The following MMP26 variants were observed in gnomAD, a reference collection of about 807,000 sequenced individuals.
MMP26 encodes matrix metalloproteinase-26.
A neutral mutation model predicts 31.0 loss-of-function variants in MMP26; 33 were observed. The ratio of observed to expected loss-of-function variants is 1.06; its 90% CI spans 0.81 to 1.42. The LOEUF is 1.42. Among genes scored for constraint, MMP26 ranks in the 40% most tolerant of loss-of-function variants. The pLI is 0.00. For synonymous variants in MMP26, 122 were observed against 114.9 expected, an observed-to-expected ratio of 1.06 and a Z score of -0.40; for missense variants, 347 against 316.1, an observed-to-expected ratio of 1.10 and a Z score of -0.74.
intron 2 of MMP26, among the ~76,000 whole-genome samples, chr11:4,976,058 T>A (rs1197802620): frequency 6.6e-6 from 1 of 152,058 alleles, no homozygotes; most frequent in Non-Finnish European, 1.5e-5. Flanking sequence ...TCTGGAAGAT[T>A]ATTTTATTTT....
chr11:4,778,734 T>C (rs10836623), intron 2 of MMP26, among the ~76,000 whole-genome samples: 14,460 of 152,106 alleles, frequency 0.095, 735 homozygotes, highest in Middle Eastern at 0.14. Context: ...ACCTTATAAT[T>C]CATGAACATG....
chr11:4,827,068 C>T (rs1420135949), intron 2 of MMP26, among the ~76,000 whole-genome samples: 1 of 152,078 alleles, frequency 6.6e-6, no homozygotes, highest in Non-Finnish European at 1.5e-5. Context: ...AGGTACATGG[C>T]ACGCGCCTAG....
chr11:4,957,283 G>A (rs1473279303), intron 2 of MMP26, among the ~76,000 whole-genome samples: 1 of 152,156 alleles, frequency 6.6e-6, no homozygotes, highest in Non-Finnish European at 1.5e-5. Flanking sequence ...TTACATCATT[G>A]TAAAAACATA....
intron 2 of MMP26, chr11:4,946,030 G>A: frequency 1.2e-6 from 1 of 841,202 alleles, no homozygotes; most frequent in Admixed American, 2.5e-5. Context: ...AGTATCCAGA[G>A]TGAATAAAAT....
chr11:4,706,786 G>T (rs921674024), intron 1 of MMP26, among the ~76,000 whole-genome samples: 2 of 151,888 alleles, frequency 1.3e-5, no homozygotes, highest in African/African-American at 4.8e-5. Flanking sequence ...CCTCTCCCTA[G>T]TCTGTTGCAA....
chr11:4,735,719 T>C (rs1848231060), intron 1 of MMP26, among the ~76,000 whole-genome samples: 1 of 152,208 alleles, frequency 6.6e-6, no homozygotes, highest in Non-Finnish European at 1.5e-5. Flanking sequence ...AATGAAAGAA[T>C]GAATCAGTGG....
intron 1 of MMP26, among the ~76,000 whole-genome samples, chr11:4,743,893 C>T (rs1197774492): frequency 6.6e-6 from 1 of 152,124 alleles, no homozygotes; most frequent in Non-Finnish European, 1.5e-5. Flanking sequence ...GCAGCCTTGA[C>T]CTCCTGGGCT....
chr11:4,914,938 G>A, intron 2 of MMP26: 2 of 1,614,126 alleles, frequency 1.2e-6, no homozygotes, highest in Non-Finnish European at 1.7e-6. Flanking sequence ...AGGTGTTAAG[G>A]GCCTTGAATC....
intron 2 of MMP26, among the ~76,000 whole-genome samples, chr11:4,786,091 AC>A (rs559742253): frequency 3.9e-5 from 6 of 152,132 alleles, no homozygotes; most frequent in Non-Finnish European, 8.8e-5. Context: ...TAAAGCCCTG[AC>A]CTGTGGATTA....
At chr11:4,768,078 CTGTGAAA>C (rs748118848) in intron 2 of MMP26, among the ~76,000 whole-genome samples, 28,256 of 152,168 alleles carry the variant, frequency 0.19, 3,997 homozygotes, top group African/African-American at 0.4. Flanking sequence ...TTTGTGAAAA[CTGTGAAA>C]ACTATGGAAA....
chr11:4,953,477 C>T lies in MMP26; in HGVS notation c.-144-34591C>T, dbSNP rs1270665178. Among the ~76,000 whole-genome samples, 4 of 110,316 alleles carry T rather than the reference C, an allele frequency of 3.6e-5. 1 individual carries two copies. Among genetic ancestry groups the T allele is most frequent in the African/African-American group, 1.2e-4 (4 of 33,610 alleles). The allele number at this position is 110,316 out of a possible 152,430, so 72.4% of individuals were successfully genotyped here. A position where few individuals can be genotyped will look rare whatever the true frequency, so the allele number is the denominator to read the frequency against. ...AGTATAATAAAGAATAAAGAATAAA[C>T]AAGTAATAAAAGAGATAAAAGAGAG... On this transcript the variant is annotated intron_variant, in intron 2 of 7. Coordinates refer to ENST00000380390, the MANE Select transcript of MMP26 (RefSeq NM_021801.5).
intron 2 of MMP26, among the ~76,000 whole-genome samples, chr11:4,986,547 T>G: frequency 2.4e-5 from 2 of 83,576 alleles, no homozygotes; most frequent in African/African-American, 5.1e-5. Context: ...TTTTTTTTTT[T>G]TGAGACAGAA....
chr11:4,904,726 T>G (rs1188165507), intron 2 of MMP26, among the ~76,000 whole-genome samples: 1 of 152,038 alleles, frequency 6.6e-6, no homozygotes, highest in Non-Finnish European at 1.5e-5. Flanking sequence ...GTGAAAAGAA[T>G]GGACATCAAT....
intron 2 of MMP26, chr11:4,871,591 C>G (rs1330440952): frequency 6.6e-6 from 1 of 152,040 alleles, no homozygotes; most frequent in Non-Finnish European, 1.5e-5. Context: ...AGCCTTTGGT[C>G]CTGGGGGCAT....
chr11:4,858,013 C>T (rs996034080), intron 2 of MMP26, among the ~76,000 whole-genome samples: 4 of 152,064 alleles, frequency 2.6e-5, no homozygotes, highest in African/African-American at 9.7e-5. Flanking sequence ...AGGCTTTCGA[C>T]AAAATTCAAC....
chr11:4,752,929 T>G (rs1848464678), intron 1 of MMP26: 1 of 152,092 alleles, frequency 6.6e-6, no homozygotes. Flanking sequence ...AGTCCAGGGA[T>G]CCCCGTCAAG....
intron 2 of MMP26, among the ~76,000 whole-genome samples, chr11:4,894,114 G>A (rs1364311305): frequency 6.6e-6 from 1 of 152,120 alleles, no homozygotes; most frequent in South Asian, 2.1e-4. Context: ...AAATGCTAAG[G>A]TGTAGGGAAA....
chr11:4,956,750 G>T (rs10768401), intron 2 of MMP26, among the ~76,000 whole-genome samples: 37,821 of 151,966 alleles, frequency 0.25, 4,890 homozygotes, highest in South Asian at 0.41. Context: ...GTCCAACTTA[G>T]ACAAGTTTTT....
intron 2 of MMP26, among the ~76,000 whole-genome samples, chr11:4,867,989 A>G (rs148620837): frequency 6.6e-6 from 1 of 152,170 alleles, no homozygotes; most frequent in Non-Finnish European, 1.5e-5. Context: ...CATGAAGTCA[A>G]CCTAAATACC....
Sources: allele counts gnomAD v4.1 joint callset (sites outside exome capture counted in the v4.1 genomes callset), GRCh38; gene constraint gnomAD v4.1.1; transcripts MANE v1.5; gene names NCBI Gene and HGNC (gene_info 2026-07-23, HGNC 2026-07-21).